Variants in EYS observed in about 807,000 individuals in gnomAD.
The protein encoded by EYS is EGF-like photoreceptor maintenance factor.
A neutral mutation model predicts 282.1 loss-of-function variants in EYS; 250 were observed. The observed-to-expected ratio is 0.89, with a 90% CI of 0.80 to 0.98. The LOEUF is 0.98. Among genes scored for constraint, EYS ranks in the 50% least tolerant of loss-of-function variants. The pLI is 0.00. For synonymous variants in EYS, 1,355 were observed against 1,282.9 expected (o/e 1.06, Z -1.20); for missense variants, 4,016 against 3,709.0 (o/e 1.08, Z -2.15).
chr6:65,428,893 A>T (rs553683928), intron 5 of EYS, among the ~76,000 whole-genome samples: 3 of 152,200 alleles, frequency 2.0e-5, no homozygotes, highest in Admixed American at 2.0e-4. Flanking sequence ...TAAATAAAAG[A>T]TGTTCTGAGC....
chr6:64,450,862 A>G (rs975758184), intron 26 of EYS, among the ~76,000 whole-genome samples: 3 of 152,130 alleles, frequency 2.0e-5, no homozygotes, highest in East Asian at 1.9e-4. Flanking sequence ...AAAGCAGTGT[A>G]TAGAGGGAAA....
At chr6:64,564,255 C>T (rs1765489345) in intron 26 of EYS, among the ~76,000 whole-genome samples, 1 of 127,966 alleles carries the variant, frequency 7.8e-6, no homozygotes, top group Non-Finnish European at 1.6e-5. Flanking sequence ...CTCATCAACA[C>T]GTATCTTTTG....
intron 18 of EYS, among the ~76,000 whole-genome samples, chr6:64,896,761 T>A (rs762136057): frequency 1.3e-5 from 2 of 152,002 alleles, no homozygotes; most frequent in African/African-American, 2.4e-5. Context: ...GGAGTTTAGT[T>A]GAGGGAGGGG....
At chr6:64,297,708 T>A (rs1487237762) in intron 30 of EYS, among the ~76,000 whole-genome samples, 1 of 152,208 alleles carries the variant, frequency 6.6e-6, no homozygotes, top group Non-Finnish European at 1.5e-5. Flanking sequence ...CTGGGTGTGA[T>A]GGCTCACACC....
At chr6:65,274,647 T>C (rs1767993929) in intron 12 of EYS, among the ~76,000 whole-genome samples, 1 of 152,180 alleles carries the variant, frequency 6.6e-6, no homozygotes, top group Non-Finnish European at 1.5e-5. Flanking sequence ...CAGGGATCTT[T>C]ATTACCTTTA....
intron 13 of EYS, among the ~76,000 whole-genome samples, chr6:65,048,862 C>T (rs1011093009): frequency 6.6e-6 from 1 of 151,802 alleles, no homozygotes; most frequent in African/African-American, 2.4e-5. Flanking sequence ...ACCTAAATAT[C>T]TCCTGAAATT....
At chr6:65,704,490 C>T (rs910326004) in intron 1 of EYS, among the ~76,000 whole-genome samples, 1 of 152,172 alleles carries the variant, frequency 6.6e-6, no homozygotes, top group African/African-American at 2.4e-5. Flanking sequence ...TTCAGGTTTA[C>T]ATTTACTTGT....
chr6:64,980,736 G>A (rs1157815254), intron 14 of EYS, among the ~76,000 whole-genome samples: 2 of 151,330 alleles, frequency 1.3e-5, no homozygotes, highest in Admixed American at 6.6e-5. Flanking sequence ...CTGAATGAGA[G>A]GACACATTCT....
At chr6:63,750,076 T>G (rs1276325665) in intron 41 of EYS, among the ~76,000 whole-genome samples, 1 of 152,236 alleles carries the variant, frequency 6.6e-6, no homozygotes, top group Non-Finnish European at 1.5e-5. Context: ...AGTTTTTGTA[T>G]TTTTCTGCTA....
chr6:64,905,946 A>C (rs1163675217), intron 16 of EYS, among the ~76,000 whole-genome samples: 1 of 151,888 alleles, frequency 6.6e-6, no homozygotes, highest in Non-Finnish European at 1.5e-5. Context: ...ATAAAAACTC[A>C]AACACTTAAA....
At chr6:65,119,062 G>A (rs1391362774) in intron 12 of EYS, among the ~76,000 whole-genome samples, 1 of 152,034 alleles carries the variant, frequency 6.6e-6, no homozygotes, top group East Asian at 1.9e-4. Flanking sequence ...GGAATGAGGG[G>A]AGAAAACATA....
At position 63,754,833 on chromosome 6, in the gene EYS, C is replaced by CCA. The variant is rs1313732897; in HGVS notation, c.8071+7626_8071+7627dup. ...ACAGTGTAAAGGCATTCCTATTTCT[C>CCA]CATCCTCTCCAGCACCTGTTGTTTC... On this transcript the variant is annotated intron_variant, in intron 41 of 42. Coordinates refer to ENST00000503581, the MANE Select transcript of EYS (RefSeq NM_001142800.2). 3.3e-5 allele frequency among the ~76,000 whole-genome samples: 5 copies of CCA among 151,852 alleles called. No individual in the cohort carries two copies. In the East Asian group the frequency reaches 9.6e-4, roughly 29 times the overall value.
chr6:65,596,334 A>G (rs1389014843), intron 2 of EYS, among the ~76,000 whole-genome samples: 1 of 1,288 alleles, frequency 7.8e-4, no homozygotes, highest in Non-Finnish European at 1.0e-3. Context: ...AGCAATAGAT[A>G]ACTAATAATT....
intron 35 of EYS, among the ~76,000 whole-genome samples, chr6:63,947,409 ATTATT>A (rs1342196501): frequency 2.6e-4 from 39 of 152,168 alleles, no homozygotes; most frequent in African/African-American, 8.7e-4. Flanking sequence ...AAAATAGAAA[ATTATT>A]TTATATTATT....
intron 26 of EYS, among the ~76,000 whole-genome samples, chr6:64,568,768 G>A (rs1765633102): frequency 1.3e-5 from 2 of 152,228 alleles, no homozygotes; most frequent in African/African-American, 4.8e-5. Flanking sequence ...TTTAGACGAA[G>A]CTTCCAGAGG....
chr6:63,756,667 G>A (rs1769492790), intron 41 of EYS, among the ~76,000 whole-genome samples: 1 of 151,978 alleles, frequency 6.6e-6, no homozygotes, highest in South Asian at 2.1e-4. Context: ...GTTGTGGGAA[G>A]TCAGGACCCC....
chr6:65,338,478 C>T (rs1770075993), intron 10 of EYS, among the ~76,000 whole-genome samples: 1 of 151,064 alleles, frequency 6.6e-6, no homozygotes, highest in Non-Finnish European at 1.5e-5. Context: ...TCTATCAAAA[C>T]ATTACATCAA....
In EYS at chr6:64,742,397, G is replaced by T. The variant is rs567829907; in HGVS notation, c.3443+70981C>A. The stretch of plus-strand genomic sequence containing the variant: ...ACAATGAACAAATTTAAAATATAGT[G>T]AAAATTACCAAAAAGTGACCCAGAA... On this transcript the variant is annotated intron_variant, in intron 22 of 42. Coordinates refer to ENST00000503581, the MANE Select transcript of EYS (RefSeq NM_001142800.2). Among the ~76,000 whole-genome samples the T allele has an allele frequency of 5.4e-4, 82 of 152,166 alleles. 1 individual carries two copies. Among genetic ancestry groups the T allele is most frequent in the Middle Eastern group, 6.8e-3 (2 of 294 alleles).
At chr6:65,651,411 A>G (rs1767646464) in intron 1 of EYS, among the ~76,000 whole-genome samples, 1 of 152,062 alleles carries the variant, frequency 6.6e-6, no homozygotes, top group South Asian at 2.1e-4. Flanking sequence ...GACAATGTTT[A>G]TATTAATTCA....
Sources: allele counts gnomAD v4.1 joint callset (sites outside exome capture counted in the v4.1 genomes callset), GRCh38; gene constraint gnomAD v4.1.1; transcripts MANE v1.5; gene names NCBI Gene and HGNC (gene_info 2026-07-23, HGNC 2026-07-21).